ANO6: variants seen among roughly 807,000 people sequenced by gnomAD.
ANO6 encodes anoctamin-6.
ANO6 carries 106 observed loss-of-function variants against 117.5 expected under a neutral mutation model. The observed-to-expected ratio is 0.90, with a 90% CI of 0.77 to 1.06. The LOEUF (loss-of-function observed/expected upper bound fraction) is 1.06, where lower values mean the gene tolerates loss of function less well. Among genes scored for constraint, ANO6 ranks in the 50% least tolerant of loss-of-function variants. The probability of loss-of-function intolerance (pLI) is 0.00; values close to 1 mark genes in which losing one functional copy is unlikely to be tolerated. For missense variants in ANO6, 955 were observed against 1,121.1 expected (o/e 0.85, Z 2.12); for synonymous variants, 367 against 385.1 (o/e 0.95, Z 0.55).
chr12:45,276,679 A>G (rs55994528), intron 1 of ANO6, among the ~76,000 whole-genome samples: 1,632 of 152,212 alleles, frequency 0.011, 30 homozygotes, highest in African/African-American at 0.037. Flanking sequence ...AAAAGTACTT[A>G]TATTTAGTTT....
chr12:45,262,834 A>G (rs979413975), intron 1 of ANO6, among the ~76,000 whole-genome samples: 18 of 152,346 alleles, frequency 1.2e-4, no homozygotes, highest in Admixed American at 9.1e-4. Context: ...GGTGTTTTCC[A>G]GAAGACATTC....
chr12:45,276,085 CTT>C (rs1938546188), intron 1 of ANO6, among the ~76,000 whole-genome samples: 1 of 152,164 alleles, frequency 6.6e-6, no homozygotes, highest in African/African-American at 2.4e-5. Flanking sequence ...CGCTCTGTGT[CTT>C]CACCATCTCA....
At position 45,431,366 on chromosome 12, in the gene ANO6, T is replaced by G. The variant is rs1943628688; in HGVS notation, c.*2055T>G. The G allele has an allele frequency of 1.0e-6, 1 of 985,268 alleles. No individual in the cohort carries two copies. The highest frequency in any genetic ancestry group is 1.2e-6 in the Non-Finnish European group (1 of 829,928). The allele number at this position is 985,268 out of a possible 1,614,324, so 61.0% of individuals were successfully genotyped here. On this transcript the variant is annotated 3_prime_UTR_variant, in exon 20 of 20. Transcript: ENST00000320560. The stretch of plus-strand genomic sequence containing the variant: ...TCTGAAGTGTGTGACTATCTCCTAG[T>G]GTTTAAATTTGGCAGTTACTCGCCA...
chr12:45,394,871 A>G (rs1942564845), intron 12 of ANO6, among the ~76,000 whole-genome samples: 2 of 152,234 alleles, frequency 1.3e-5, no homozygotes, highest in Admixed American at 6.5e-5. Flanking sequence ...TTATAGCACT[A>G]AATGCCCACA....
chr12:45,325,114 CATAAA>C (rs1477237820), intron 2 of ANO6, among the ~76,000 whole-genome samples: 1 of 152,098 alleles, frequency 6.6e-6, no homozygotes, highest in Admixed American at 6.6e-5. Context: ...TTTGTTGTTC[CATAAA>C]ACTAAGGATC....
chr12:45,377,854 T>G (rs552418596), intron 9 of ANO6, among the ~76,000 whole-genome samples, 199 bp from the exon 10 acceptor site: 1 of 152,304 alleles, frequency 6.6e-6, no homozygotes, highest in East Asian at 1.9e-4. Flanking sequence ...CAGCAAAGAC[T>G]TTGCTTTGAA....
intron 8 of ANO6, among the ~76,000 whole-genome samples, chr12:45,362,376 CT>C (rs1046320454): frequency 5.3e-5 from 8 of 152,054 alleles, no homozygotes; most frequent in East Asian, 1.9e-4. Context: ...TTTGAGTCTT[CT>C]TTTTTTCTTG....
At chr12:45,323,918 TTTG>T (rs368983915) in intron 2 of ANO6, among the ~76,000 whole-genome samples, 2,674 of 149,854 alleles carry the variant, frequency 0.018, 79 homozygotes, top group African/African-American at 0.06. Flanking sequence ...ACTGTTTTTT[TTTG>T]TTGTTGTTGT....
chr12:45,242,066 T>C (rs1227329101), intron 1 of ANO6, among the ~76,000 whole-genome samples: 1 of 152,212 alleles, frequency 6.6e-6, no homozygotes, highest in Non-Finnish European at 1.5e-5. Context: ...TTCTCAGAGC[T>C]CAGACACCAT....
At chr12:45,228,222 C>T (rs1323342093) in intron 1 of ANO6, 1 of 447,270 alleles carries the variant, frequency 2.2e-6, no homozygotes, top group Non-Finnish European at 4.5e-6. Flanking sequence ...GCATTGACTC[C>T]CAGACTCAAT....
At chr12:45,292,749 A>G in intron 1 of ANO6, 1 of 1,422,088 alleles carries the variant, frequency 7.0e-7, no homozygotes, top group Non-Finnish European at 9.3e-7. Context: ...AACACCAAAC[A>G]TGGAAATGTT....
rs80338049 is a variant in ANO6, at chr12:45,266,110, A to G, written c.71-35904A>G. On this transcript the variant is annotated intron_variant, in intron 1 of 19. Coordinates refer to ENST00000320560, the MANE Select transcript of ANO6 (RefSeq NM_001025356.3). ...ATTCCACCTTCCTCTGAATGTCTGT[A>G]GCCTGAACTGCCTGTACCACATATT... Among the ~76,000 whole-genome samples, 1,449 of 152,324 alleles carry G rather than the reference A, an allele frequency of 9.5e-3. 24 individuals carry two copies. The highest frequency in any genetic ancestry group is 0.033 in the African/African-American group (1,364 of 41,546).
intron 7 of ANO6, among the ~76,000 whole-genome samples, chr12:45,352,180 T>C (rs188383811): frequency 2.1e-4 from 32 of 152,192 alleles, no homozygotes; most frequent in African/African-American, 7.7e-4. Context: ...CAAATGAATG[T>C]TTGTTTTGTT....
chr12:45,320,178 T>C (rs1268652254), intron 2 of ANO6, among the ~76,000 whole-genome samples: 2 of 152,204 alleles, frequency 1.3e-5, no homozygotes, highest in Non-Finnish European at 2.9e-5. Flanking sequence ...ATGTGTTTGC[T>C]CTTGCTTCTC....
intron 1 of ANO6, among the ~76,000 whole-genome samples, chr12:45,221,877 CTTTTTTTTT>C (rs71093866): frequency 8.0e-6 from 1 of 124,800 alleles, no homozygotes; most frequent in Non-Finnish European, 1.7e-5. Context: ...TCCCCGACTC[CTTTTTTTTT>C]TTTTTTTTTT....
At chr12:45,439,647 C>CTTTTT (rs34144696) in intron 19 of ANO6, 27 of 1,133,238 alleles carry the variant, frequency 2.4e-5, no homozygotes, top group African/African-American at 5.6e-5. Context: ...GATTTAATTG[C>CTTTTT]TTTTTTTTTT....
At chr12:45,260,551 A>G (rs567093956) in intron 1 of ANO6, among the ~76,000 whole-genome samples, 52 of 151,904 alleles carry the variant, frequency 3.4e-4, no homozygotes, top group Non-Finnish European at 6.6e-4. Context: ...CATCAGTCAG[A>G]ATCAAGTAAC....
At chr12:45,315,774 AATC>A in intron 2 of ANO6, among the ~76,000 whole-genome samples, 1 of 152,182 alleles carries the variant, frequency 6.6e-6, no homozygotes, top group East Asian at 1.9e-4. Context: ...TGATAAATGT[AATC>A]ATCATCCTCT....
At chr12:45,341,626 G>A (rs1172148235) in intron 3 of ANO6, among the ~76,000 whole-genome samples, 1 of 152,138 alleles carries the variant, frequency 6.6e-6, no homozygotes, top group African/African-American at 2.4e-5. Flanking sequence ...ATCAAAGAAG[G>A]TAGCCTGAAG....
Sources: gnomAD v4.1 joint callset for allele counts (sites outside exome capture counted in the v4.1 genomes callset) on GRCh38, gnomAD v4.1.1 for gene constraint, MANE v1.5 for transcripts, NCBI Gene and HGNC (gene_info 2026-07-23, HGNC 2026-07-21) for gene names.